The following RPTOR variants were observed in gnomAD, a reference collection of about 807,000 sequenced individuals.
RPTOR encodes the protein regulatory-associated protein of mTOR.
RPTOR carries 21 observed loss-of-function variants against 169.9 expected under a neutral mutation model. That is an observed-to-expected ratio of 0.12 (90% CI 0.09 to 0.18). The LOEUF (loss-of-function observed/expected upper bound fraction) is 0.18, where lower values mean the gene tolerates loss of function less well. Among genes scored for constraint, RPTOR ranks in the 10% least tolerant of loss-of-function variants. The probability of loss-of-function intolerance (pLI) is 1.00; values close to 1 mark genes in which losing one functional copy is unlikely to be tolerated. For synonymous variants in RPTOR, 732 were observed against 753.2 expected, an observed-to-expected ratio of 0.97 and a Z score of 0.46; for missense variants, 1,133 against 1,855.9, an observed-to-expected ratio of 0.61 and a Z score of 7.16.
chr17:80,907,640 C>T (rs1736677997), intron 20 of RPTOR, among the ~76,000 whole-genome samples: 1 of 143,674 alleles, frequency 7.0e-6, no homozygotes, highest in African/African-American at 2.4e-5. Flanking sequence ...CGTGCCTGCC[C>T]CCCCTTCTGG....
At chr17:80,815,063 A>G (rs1293748648) in intron 7 of RPTOR, among the ~76,000 whole-genome samples, 1 of 152,248 alleles carries the variant, frequency 6.6e-6, no homozygotes, top group Non-Finnish European at 1.5e-5. Flanking sequence ...AAATAGAAAG[A>G]TGGGGAGGAA....
chr17:80,761,610 T>C (rs1344994311), intron 6 of RPTOR, among the ~76,000 whole-genome samples: 1 of 152,256 alleles, frequency 6.6e-6, no homozygotes, highest in Non-Finnish European at 1.5e-5. Flanking sequence ...TATTTTTTCC[T>C]GATGACTCAA....
intron 9 of RPTOR, among the ~76,000 whole-genome samples, chr17:80,833,338 T>G (rs145422437): frequency 1.6e-4 from 25 of 152,328 alleles, no homozygotes; most frequent in Admixed American, 4.6e-4. Flanking sequence ...ACGATGCAGA[T>G]GAGCTGGTCA....
intron 17 of RPTOR, among the ~76,000 whole-genome samples, chr17:80,888,993 G>A (rs1407192833): frequency 2.0e-5 from 3 of 152,246 alleles, no homozygotes; most frequent in Non-Finnish European, 4.4e-5. Flanking sequence ...AGTGGGGCAG[G>A]TGGCCCAGCC....
chr17:80,947,223 T>G lies in RPTOR; in HGVS notation c.3141-4T>G. The G allele has an allele frequency of 1.3e-6, 2 of 1,586,698 alleles. No individual in the cohort carries two copies. The highest frequency in any genetic ancestry group is 1.7e-6 in the Non-Finnish European group (2 of 1,170,092). ...CTTTTTTATTCCTCTCTTCTTCCCT[T>G]AAGCTTTTGGGACTGGGAGAAAGGG... On this transcript the variant is annotated splice_polypyrimidine_tract_variant and splice_region_variant and intron_variant, in intron 26 of 33. Transcript: ENST00000306801. This position sits in a 1 kb window ranked among gnomAD's most constrained non-coding sequence, Gnocchi z 4.4.
intron 13 of RPTOR, among the ~76,000 whole-genome samples, chr17:80,874,550 T>C (rs1450295752): frequency 1.3e-5 from 2 of 152,098 alleles, no homozygotes; most frequent in Non-Finnish European, 2.9e-5. Flanking sequence ...ACTTGGCGAG[T>C]GGGGAATACA....
chr17:80,853,562 A>G, intron 11 of RPTOR, among the ~76,000 whole-genome samples: 1 of 152,162 alleles, frequency 6.6e-6, no homozygotes, highest in Middle Eastern at 3.2e-3. Context: ...CCTGCCCCAT[A>G]AACACCCCTT....
At chr17:80,904,591 G>A (rs139675880) in intron 20 of RPTOR, among the ~76,000 whole-genome samples, 203 of 152,232 alleles carry the variant, frequency 1.3e-3, no homozygotes, top group African/African-American at 4.6e-3. Flanking sequence ...TAGGTTCTCC[G>A]TGCTTACAGG....
intron 13 of RPTOR, among the ~76,000 whole-genome samples, chr17:80,869,874 CAT>C (rs2068033443): frequency 6.6e-6 from 1 of 152,132 alleles, no homozygotes; most frequent in South Asian, 2.1e-4. Flanking sequence ...TCCTTAGGGT[CAT>C]GTGATGGGAC....
At chr17:80,783,191 G>A (rs1322795870) in intron 6 of RPTOR, among the ~76,000 whole-genome samples, 1 of 152,196 alleles carries the variant, frequency 6.6e-6, no homozygotes, top group African/African-American at 2.4e-5. Context: ...AAAATAGAAG[G>A]TGGCTTCCTT....
At chr17:80,685,350 A>G (rs2065931872) in intron 3 of RPTOR, among the ~76,000 whole-genome samples, 1 of 151,452 alleles carries the variant, frequency 6.6e-6, no homozygotes, top group Non-Finnish European at 1.5e-5. Context: ...ATCTTGGCTC[A>G]CTACAGCCTC....
Position 80,917,853 on chromosome 17 carries a change from G to A in RPTOR, c.2521-4871G>A, listed in dbSNP as rs1160652067. ...GCTCTACGTCCAGCCCCTGAAGGCC[G>A]TGCTGCCCATCCCACCCCTGCCTGG... On this transcript the variant is annotated intron_variant, in intron 21 of 33. Coordinates refer to ENST00000306801, the MANE Select transcript of RPTOR (RefSeq NM_020761.3). Among the ~76,000 whole-genome samples, 8 of 152,198 alleles carry A rather than the reference G, an allele frequency of 5.3e-5. No individual in the cohort carries two copies. The South Asian group carries it at 6.2e-4, about 12-fold the overall frequency.
intron 6 of RPTOR, among the ~76,000 whole-genome samples, chr17:80,768,932 T>G (rs9903212): frequency 0.27 from 41,598 of 152,126 alleles, 5,861 homozygotes; most frequent in African/African-American, 0.33. Flanking sequence ...TGACCCTTTT[T>G]TAAATAAAAA....
intron 9 of RPTOR, among the ~76,000 whole-genome samples, chr17:80,832,619 G>GT (rs2067518390): frequency 6.6e-6 from 1 of 152,202 alleles, no homozygotes; most frequent in Non-Finnish European, 1.5e-5. Flanking sequence ...GCTCTCCTCT[G>GT]TTACTAGATT....
In RPTOR at chr17:80,574,827, AT is replaced by A. The variant is rs555426915; in HGVS notation, c.162+29053del. Among the ~76,000 whole-genome samples, 55 of 121,404 alleles carry A rather than the reference AT, an allele frequency of 4.5e-4. 1 individual carries two copies. The South Asian group carries it at 8.6e-3, about 19-fold the overall frequency. The allele number at this position is 121,404 out of a possible 152,430, so 79.6% of individuals were successfully genotyped here. The stretch of plus-strand genomic sequence containing the variant: ...TGTGCCACCAAGCCCAGCTTATTTA[AT>A]TTTTTTTTTTTTTTTTGTAGAGACA... On this transcript the variant is annotated intron_variant, in intron 1 of 33. Transcript: ENST00000306801.
intron 1 of RPTOR, among the ~76,000 whole-genome samples, chr17:80,553,722 G>A (rs1282570624): frequency 6.6e-6 from 1 of 150,392 alleles, no homozygotes; most frequent in East Asian, 2.0e-4. Flanking sequence ...GGTACAAAAA[G>A]TTCACCAGAG....
rs528306072 is a variant in RPTOR at position 80,837,703 on chromosome 17, G to A, written c.1137-219G>A. 5.3e-5 allele frequency among the ~76,000 whole-genome samples: 8 copies of A among 152,316 alleles called. No homozygotes were observed. The South Asian group carries it at 1.0e-3, about 20-fold the overall frequency. ...TGGTGAGGATGCTGGCAGCGCCAGC[G>A]TTCCCGGCCTGCACTCTCTCCTGGC... On this transcript the variant is annotated intron_variant, in intron 9 of 33. Coordinates refer to ENST00000306801, the MANE Select transcript of RPTOR (RefSeq NM_020761.3).
chr17:80,787,992 G>A (rs1001503533), intron 6 of RPTOR, among the ~76,000 whole-genome samples: 8 of 152,148 alleles, frequency 5.3e-5, no homozygotes, highest in Admixed American at 2.6e-4. Context: ...CCCCTTCAGC[G>A]TCTCTTGGAG....
chr17:80,777,442 C>G (rs2066902250), intron 6 of RPTOR, among the ~76,000 whole-genome samples: 1 of 152,136 alleles, frequency 6.6e-6, no homozygotes, highest in Admixed American at 6.5e-5. Flanking sequence ...TGTCTTCATT[C>G]CAGCCGTCCT....
Sources: gnomAD v4.1 joint callset for allele counts (sites outside exome capture counted in the v4.1 genomes callset) on GRCh38, gnomAD v4.1.1 for gene constraint, Gnocchi (gnomAD v3.1) non-coding constraint, MANE v1.5 for transcripts, NCBI Gene and HGNC (gene_info 2026-07-23, HGNC 2026-07-21) for gene names.